PTPRZ1: variants seen among roughly 807,000 people sequenced by gnomAD.
PTPRZ1 encodes receptor-type tyrosine-protein phosphatase zeta.
Under a neutral mutation model 214.1 loss-of-function variants are expected in PTPRZ1, and 82 were observed. The observed-to-expected ratio is 0.38, with a 90% CI of 0.32 to 0.46. The LOEUF (loss-of-function observed/expected upper bound fraction) is 0.46. PTPRZ1 is among the 20% of genes least tolerant of loss of function. PTPRZ1 has a pLI of 1.00. For missense variants in PTPRZ1, 2,603 were observed against 2,748.7 expected (o/e 0.95, Z 1.19); for synonymous variants, 945 against 987.9 (o/e 0.96, Z 0.81).
At position 122,013,317 on chromosome 7, in the gene PTPRZ1, A is replaced by G; in HGVS notation, c.4271A>G (p.Asp1424Gly). ...GGGEDGDTDD[D>G]GDDDDDDRGS... Reference sequence around the variant, plus strand: ...GGTGAAGATGGTGACACTGATGATGATGGTGATGATGATGATGATGACAGA... The same window carrying G: ...GGTGAAGATGGTGACACTGATGATGGTGGTGATGATGATGATGATGACAGA... Residue 1424 changes from aspartate (D) to glycine (G), a missense_variant, in exon 12 of 30, where the codon GAT becomes GGT. This residue lies in a region of PTPRZ1 where 1,913 missense variants were observed against 1,914.3 expected (regional missense o/e 1.00). Transcript: ENST00000393386. 6.3e-7 allele frequency: 1 copy of G among 1,582,734 alleles called. No individual in the cohort carries two copies. Among genetic ancestry groups the G allele is most frequent in the South Asian group, 1.1e-5 (1 of 89,542 alleles).
At chr7:121,895,466 C>T (rs1170524451) in intron 1 of PTPRZ1, among the ~76,000 whole-genome samples, 1 of 151,994 alleles carries the variant, frequency 6.6e-6, no homozygotes, top group Non-Finnish European at 1.5e-5. Context: ...TAGCAATGCC[C>T]TTTTTCTTAG....
intron 1 of PTPRZ1, among the ~76,000 whole-genome samples, chr7:121,896,238 A>G (rs1794779961): frequency 6.6e-6 from 1 of 152,242 alleles, no homozygotes. Flanking sequence ...TGTACAGTAT[A>G]GAATTGTTAA....
intron 2 of PTPRZ1, among the ~76,000 whole-genome samples, chr7:121,949,619 A>G (rs538432262): frequency 6.6e-6 from 1 of 152,184 alleles, no homozygotes; most frequent in Non-Finnish European, 1.5e-5. Flanking sequence ...CTGTATCATG[A>G]AAAAGATAAG....
chr7:122,006,034 A>G (rs1183268701), intron 11 of PTPRZ1, among the ~76,000 whole-genome samples: 2 of 152,142 alleles, frequency 1.3e-5, no homozygotes, highest in Non-Finnish European at 2.9e-5. Flanking sequence ...AATGTTAATT[A>G]CTAGTAAATT....
At chr7:122,038,961 C>A in intron 19 of PTPRZ1, 72 bp downstream of exon 19, 2 of 1,542,150 alleles carry the variant, frequency 1.3e-6, no homozygotes, top group South Asian at 1.2e-5. Flanking sequence ...TTAATAGAGT[C>A]AGCATTAGGA....
chr7:121,920,694 CAG>C (rs1342969163), intron 1 of PTPRZ1, among the ~76,000 whole-genome samples: 1 of 152,108 alleles, frequency 6.6e-6, no homozygotes, highest in Non-Finnish European at 1.5e-5. Context: ...ACTTCATCCA[CAG>C]ATTTTATTTT....
In PTPRZ1 at chr7:121,924,941, C is replaced by G. The variant is rs6971729; in HGVS notation, c.59-3215C>G. Among the ~76,000 whole-genome samples, 865 of 152,192 alleles carry G rather than the reference C, an allele frequency of 5.7e-3. 8 individuals carry two copies. The highest frequency in any genetic ancestry group is 0.019 in the African/African-American group (801 of 41,524). ...TAATTCCTGCTAATGAATCTGTAGC[C>G]CGCTCTATTGTTTTGCACTATTTTG... On this transcript the variant is annotated intron_variant, in intron 1 of 29. Transcript: ENST00000393386.
chr7:121,976,748 T>C (rs1280165159), intron 5 of PTPRZ1, 37 bp from the exon 6 acceptor site: 1 of 1,484,312 alleles, frequency 6.7e-7, no homozygotes, highest in African/African-American at 1.4e-5. Flanking sequence ...ATCCAAATGT[T>C]TTATTCTTTT....
chr7:121,884,104 A>G (rs1794323106), intron 1 of PTPRZ1, among the ~76,000 whole-genome samples: 1 of 141,864 alleles, frequency 7.0e-6, no homozygotes, highest in Non-Finnish European at 1.5e-5. Context: ...AAAAATATAG[A>G]CAGTTGTGCT....
intron 10 of PTPRZ1, among the ~76,000 whole-genome samples, chr7:122,003,233 G>A (rs999588879): frequency 2.6e-5 from 4 of 152,094 alleles, no homozygotes; most frequent in Non-Finnish European, 5.9e-5. Flanking sequence ...AATTTCCAAA[G>A]TCCTTCATGG....
At chr7:121,890,746 T>C (rs1486364975) in intron 1 of PTPRZ1, among the ~76,000 whole-genome samples, 1 of 152,160 alleles carries the variant, frequency 6.6e-6, no homozygotes, top group Non-Finnish European at 1.5e-5. Context: ...CAGAGCTCAC[T>C]GTAGCCCTGA....
chr7:121,941,136 T>C (rs1044103190), intron 2 of PTPRZ1, among the ~76,000 whole-genome samples: 2 of 152,208 alleles, frequency 1.3e-5, no homozygotes, highest in African/African-American at 4.8e-5. Context: ...CAGAATGTAG[T>C]ACCTCATGTG....
intron 1 of PTPRZ1, among the ~76,000 whole-genome samples, chr7:121,885,492 T>G (rs999212189): frequency 6.6e-6 from 1 of 152,184 alleles, no homozygotes; most frequent in African/African-American, 2.4e-5. Flanking sequence ...TCCTTTAAAT[T>G]ACAGCACATC....
chr7:121,874,461 A>G (rs897149129), intron 1 of PTPRZ1, among the ~76,000 whole-genome samples: 5 of 152,146 alleles, frequency 3.3e-5, no homozygotes, highest in African/African-American at 1.2e-4. Context: ...GGGTTTACGC[A>G]TTAACCTGAA....
At chr7:121,932,267 A>G (rs1795947749) in intron 2 of PTPRZ1, among the ~76,000 whole-genome samples, 1 of 152,244 alleles carries the variant, frequency 6.6e-6, no homozygotes. Flanking sequence ...TGGATTATTC[A>G]CTATAAAGTG....
chr7:122,004,528 AT>A (rs1457139684), intron 10 of PTPRZ1, 85 bp from the exon 11 acceptor site: 5 of 716,478 alleles, frequency 7.0e-6, no homozygotes, highest in Non-Finnish European at 1.2e-5. Flanking sequence ...ATTCTTTTTA[AT>A]TTTTTCTCTT....
chr7:122,004,535 C>T, intron 10 of PTPRZ1, 79 bp from the exon 11 acceptor site: 2 of 729,784 alleles, frequency 2.7e-6, no homozygotes, highest in Non-Finnish European at 4.5e-6. Context: ...TTAATTTTTT[C>T]TCTTTCACCC....
chr7:121,951,186 T>A (rs949679640), intron 2 of PTPRZ1, among the ~76,000 whole-genome samples: 2 of 152,246 alleles, frequency 1.3e-5, no homozygotes, highest in African/African-American at 4.8e-5. Flanking sequence ...TATAGAGATA[T>A]GATCTAGAAT....
intron 13 of PTPRZ1, among the ~76,000 whole-genome samples, chr7:122,024,755 T>C (rs926334271): frequency 6.6e-6 from 1 of 152,214 alleles, no homozygotes; most frequent in Non-Finnish European, 1.5e-5. Flanking sequence ...AATTGGTGTT[T>C]ACCCACACTA....
Sources: gnomAD v4.1 joint callset for allele counts (sites outside exome capture counted in the v4.1 genomes callset) on GRCh38, gnomAD v4.1.1 for gene constraint, gnomAD v4.1.1 regional missense constraint, MANE v1.5 for transcripts, NCBI Gene and HGNC (gene_info 2026-07-23, HGNC 2026-07-21) for gene names.